NPAS3: variants seen among roughly 807,000 people sequenced by gnomAD.
NPAS3 encodes neuronal PAS domain protein 3, also known as neuronal PAS domain-containing protein 3.
A neutral mutation model predicts 73.1 loss-of-function variants in NPAS3; 14 were observed. The observed-to-expected ratio is 0.19, with a 90% CI of 0.13 to 0.30. The LOEUF is 0.30. Ranked by LOEUF, NPAS3 falls within the 10% of genes least tolerant of loss-of-function variation. NPAS3 has a pLI of 1.00. For missense variants in NPAS3, 1,096 were observed against 1,250.0 expected (o/e 0.88, Z 1.86); for synonymous variants, 620 against 541.5 (o/e 1.14, Z -2.01).
intron 4 of NPAS3, among the ~76,000 whole-genome samples, chr14:33,491,601 T>C (rs568366225): frequency 2.0e-5 from 3 of 152,306 alleles, no homozygotes; most frequent in South Asian, 4.1e-4. Flanking sequence ...ATATTAGCTC[T>C]AGTATCATAA....
chr14:33,692,076 A>C (rs977108738), intron 6 of NPAS3, among the ~76,000 whole-genome samples: 3 of 152,220 alleles, frequency 2.0e-5, no homozygotes, highest in Admixed American at 2.0e-4. Flanking sequence ...CAGGACAGTT[A>C]CAGAGTGTTT....
chr14:33,659,638 C>G (rs74671029), intron 5 of NPAS3, among the ~76,000 whole-genome samples: 3,216 of 152,086 alleles, frequency 0.021, 115 homozygotes, highest in African/African-American at 0.072. Context: ...TACAGTCAGC[C>G]AAAGCCATTA....
chr14:33,232,099 T>G (rs1211928313), intron 3 of NPAS3, among the ~76,000 whole-genome samples: 1 of 152,120 alleles, frequency 6.6e-6, no homozygotes, highest in Non-Finnish European at 1.5e-5. Context: ...CAAAATAGAT[T>G]GAGTGACAGT....
intron 3 of NPAS3, among the ~76,000 whole-genome samples, chr14:33,306,038 AAC>A (rs1251316839): frequency 6.6e-6 from 1 of 152,176 alleles, no homozygotes; most frequent in Non-Finnish European, 1.5e-5. Context: ...ATTTCATTTA[AAC>A]ACAATTACTG....
intron 4 of NPAS3, among the ~76,000 whole-genome samples, chr14:33,513,927 G>T (rs1420653362): frequency 2.0e-5 from 3 of 152,036 alleles, no homozygotes; most frequent in African/African-American, 7.2e-5. Context: ...TGGAGGAGAA[G>T]ACTTGCATGC....
intron 5 of NPAS3, among the ~76,000 whole-genome samples, chr14:33,619,673 G>T (rs916349675): frequency 5.3e-5 from 8 of 152,202 alleles, no homozygotes; most frequent in African/African-American, 1.7e-4. Context: ...AAATAGAACT[G>T]AAGGGGATGT....
intron 5 of NPAS3, among the ~76,000 whole-genome samples, chr14:33,566,369 A>G (rs2055937241): frequency 6.6e-6 from 1 of 152,114 alleles, no homozygotes; most frequent in African/African-American, 2.4e-5. Flanking sequence ...GTGCATGTCA[A>G]GGTTCCTCCC....
chr14:33,559,229 A>AAC (rs1280529367), intron 4 of NPAS3, among the ~76,000 whole-genome samples: 12 of 152,310 alleles, frequency 7.9e-5, no homozygotes, highest in African/African-American at 2.2e-4. Context: ...ATAAAACTTT[A>AAC]ACAGAGAGTT....
At chr14:33,316,547 A>G (rs1232341695) in intron 3 of NPAS3, among the ~76,000 whole-genome samples, 1 of 152,090 alleles carries the variant, frequency 6.6e-6, no homozygotes. Flanking sequence ...ATGGAAATCT[A>G]TACTAATTTC....
At chr14:33,295,019 G>A (rs1156961325) in intron 3 of NPAS3, among the ~76,000 whole-genome samples, 1 of 152,124 alleles carries the variant, frequency 6.6e-6, no homozygotes. Flanking sequence ...GACCCTAGGA[G>A]GGAAAGATAA....
chr14:33,132,241 T>G, intron 2 of NPAS3, among the ~76,000 whole-genome samples: 1 of 151,968 alleles, frequency 6.6e-6, no homozygotes, highest in East Asian at 1.9e-4. Flanking sequence ...GGTGACTAGT[T>G]TAATGTGGGC....
chr14:33,351,400 G>A (rs552283042), intron 3 of NPAS3, among the ~76,000 whole-genome samples: 1 of 152,320 alleles, frequency 6.6e-6, no homozygotes, highest in African/African-American at 2.4e-5. Flanking sequence ...GAAAAAAAAT[G>A]GAAGATAACC....
chr14:33,670,622 C>CA (rs397853019), intron 5 of NPAS3, among the ~76,000 whole-genome samples: 1 of 145,196 alleles, frequency 6.9e-6, no homozygotes, highest in African/African-American at 2.5e-5. Context: ...GTGACCCCCC[C>CA]TCAAAAAAAA....
intron 1 of NPAS3, among the ~76,000 whole-genome samples, chr14:32,952,916 A>G (rs2036537507): frequency 6.6e-6 from 1 of 151,800 alleles, no homozygotes; most frequent in South Asian, 2.1e-4. Flanking sequence ...CTACAAAAAA[A>G]TAACATTAGC....
intron 3 of NPAS3, among the ~76,000 whole-genome samples, chr14:33,351,702 C>T (rs8017042): frequency 0.49 from 74,510 of 152,092 alleles, 19,402 homozygotes; most frequent in African/African-American, 0.67. Flanking sequence ...CAGCTATAGT[C>T]TTGAGGATTT....
intron 2 of NPAS3, among the ~76,000 whole-genome samples, chr14:33,091,205 G>T (rs1241731496): frequency 1.3e-5 from 2 of 152,074 alleles, no homozygotes. Flanking sequence ...CCAGGAGCTG[G>T]TTTTTTGAAA....
At chr14:33,779,968 A>G (rs2138519651) in intron 9 of NPAS3, among the ~76,000 whole-genome samples, 1 of 152,318 alleles carries the variant, frequency 6.6e-6, no homozygotes, top group South Asian at 2.1e-4. Flanking sequence ...GCTATTTCTT[A>G]TCTTTCCTGC....
chr14:33,388,589 A>G (rs938272008), intron 4 of NPAS3, among the ~76,000 whole-genome samples: 1 of 152,114 alleles, frequency 6.6e-6, no homozygotes, highest in Non-Finnish European at 1.5e-5. Context: ...ATTAAGTTAT[A>G]TTAAGTTATA....
At chr14:33,282,218 T>C (rs1347369715) in intron 3 of NPAS3, among the ~76,000 whole-genome samples, 1 of 152,258 alleles carries the variant, frequency 6.6e-6, no homozygotes, top group Non-Finnish European at 1.5e-5. Flanking sequence ...TAAAGTGGCT[T>C]GTTGACACCA....
Sources: gnomAD v4.1 joint callset for allele counts (sites outside exome capture counted in the v4.1 genomes callset) on GRCh38, gnomAD v4.1.1 for gene constraint, MANE v1.5 for transcripts, NCBI Gene and HGNC (gene_info 2026-07-23, HGNC 2026-07-21) for gene names.